Variants in KCNG3 observed in about 807,000 individuals in gnomAD.
KCNG3 encodes the protein potassium voltage-gated channel modifier subfamily G member 3.
Under a neutral mutation model 29.0 loss-of-function variants are expected in KCNG3, and 15 were observed. The ratio of observed to expected loss-of-function variants is 0.52; its 90% confidence interval spans 0.35 to 0.80. The LOEUF is 0.80. Among genes scored for constraint, KCNG3 ranks in the 30% least tolerant of loss-of-function variants. The pLI is 0.01. For synonymous variants in KCNG3, 322 were observed against 248.9 expected (o/e 1.29, Z -2.76); for missense variants, 512 against 605.7 (o/e 0.85, Z 1.62).
chr2:42,458,360 G>A (rs1236092505), intron 1 of KCNG3, among the ~76,000 whole-genome samples: 2 of 152,106 alleles, frequency 1.3e-5, no homozygotes, highest in Non-Finnish European at 2.9e-5. Context: ...TCTGGCCTCT[G>A]CCTCCTAAAC....
intron 1 of KCNG3, among the ~76,000 whole-genome samples, chr2:42,473,480 G>C (rs1013450874): frequency 1.8e-4 from 27 of 152,120 alleles, no homozygotes; most frequent in African/African-American, 6.5e-4. Context: ...CTCCTGAGTA[G>C]CTGGGACTAC....
At chr2:42,458,291 C>T (rs993307673) in intron 1 of KCNG3, among the ~76,000 whole-genome samples, 1 of 152,166 alleles carries the variant, frequency 6.6e-6, no homozygotes, top group Non-Finnish European at 1.5e-5. Context: ...CAATCACCTC[C>T]ACCTTTGCTT....
At chr2:42,459,664 G>A (rs1483619366) in intron 1 of KCNG3, among the ~76,000 whole-genome samples, 2 of 152,176 alleles carry the variant, frequency 1.3e-5, no homozygotes, top group Admixed American at 6.5e-5. Flanking sequence ...ACTAAAGATA[G>A]AACTTAAGCA....
chr2:42,406,245 G>C, the KCNG3 span, among the ~76,000 whole-genome samples: 1 of 151,038 alleles, frequency 6.6e-6, no homozygotes, highest in East Asian at 2.0e-4. Flanking sequence ...TTAAGATGGA[G>C]TTTCACTCTT....
At position 42,489,504 on chromosome 2, in the gene KCNG3, T is replaced by C. The variant is rs181893127; in HGVS notation, c.665+3333A>G. ...CAACTTAGGAGCCAGGATATGTTTA[T>C]ATGAAAATATAACCATCACGCTAAG... On this transcript the variant is annotated intron_variant, in intron 1 of 1. Transcript: ENST00000306078. Among the ~76,000 whole-genome samples the C allele has an allele frequency of 1.5e-4, 23 of 152,362 alleles. No homozygotes were observed. In the East Asian group the frequency reaches 4.1e-3, roughly 27 times the overall value.
chr2:42,398,256 TAAATAAATA>T, the KCNG3 span, among the ~76,000 whole-genome samples: 3 of 106,212 alleles, frequency 2.8e-5, no homozygotes, highest in Non-Finnish European at 6.0e-5. Context: ...AATAAATAAA[TAAATAAATA>T]AAATAAAATA....
chr2:42,417,628 T>C, the KCNG3 span, among the ~76,000 whole-genome samples: 5 of 152,142 alleles, frequency 3.3e-5, no homozygotes, highest in African/African-American at 1.2e-4. Context: ...GTTTACAGAA[T>C]AGTATAGAAA....
chr2:42,424,281 C>CA, the KCNG3 span, among the ~76,000 whole-genome samples: 1 of 151,896 alleles, frequency 6.6e-6, no homozygotes, highest in East Asian at 1.9e-4. Context: ...AGCCTGAACA[C>CA]AAAAAAATGA....
rs952583166 is a variant in KCNG3 at position 42,442,365 on chromosome 2, G to A, written c.*1569C>T. 2.0e-5 allele frequency: 3 copies of A among 152,204 alleles called. No homozygotes were observed. Among genetic ancestry groups the A allele is most frequent in the Non-Finnish European group, 4.4e-5 (3 of 68,042 alleles). 9.4% of individuals were successfully genotyped at this position (152,204 alleles called of 1,614,324 possible). A position where few individuals can be genotyped will look rare whatever the true frequency, so the allele number is the denominator to read the frequency against. ...TTTTCCAGGCTTTTCTCAGAACCCA[G>A]AGATGTGTGAAGATTAACCTGCTGG... is the stretch of plus-strand genomic sequence containing the variant. On this transcript the variant is annotated 3_prime_UTR_variant, in exon 2 of 2. Coordinates refer to ENST00000306078, the MANE Select transcript of KCNG3 (RefSeq NM_133329.6).
chr2:42,398,260 T>TAAATAAAATA, the KCNG3 span, among the ~76,000 whole-genome samples: 22 of 124,090 alleles, frequency 1.8e-4, no homozygotes, highest in Non-Finnish European at 3.0e-4. Flanking sequence ...AATAAATAAA[T>TAAATAAAATA]AAATAAAATA....
intron 1 of KCNG3, among the ~76,000 whole-genome samples, chr2:42,481,100 T>C (rs1471175447): frequency 2.0e-5 from 3 of 152,120 alleles, no homozygotes; most frequent in South Asian, 2.1e-4. Context: ...TCTTACTTAG[T>C]TCAGGGGCTA....
intron 1 of KCNG3, among the ~76,000 whole-genome samples, chr2:42,488,002 G>A (rs1673771782): frequency 6.6e-6 from 1 of 152,050 alleles, no homozygotes; most frequent in Non-Finnish European, 1.5e-5. Flanking sequence ...CTGTATTTCT[G>A]GCTTTTGTAA....
chr2:42,479,974 C>T (rs1399997840), intron 1 of KCNG3, among the ~76,000 whole-genome samples: 2 of 152,146 alleles, frequency 1.3e-5, no homozygotes, highest in African/African-American at 2.4e-5. Flanking sequence ...ATTGCATGCA[C>T]CATTGCACTC....
rs1672500964 is a variant in KCNG3, at chr2:42,442,175, G to C, written c.*1759C>G. The C allele has an allele frequency of 6.6e-6, 1 of 152,032 alleles. No individual in the cohort carries two copies. The highest frequency in any genetic ancestry group is 1.5e-5 in the Non-Finnish European group (1 of 68,008). The allele number at this position is 152,032 out of a possible 1,614,324, so 9.4% of individuals were successfully genotyped here. ...TACAATAAATATACAATAAATAACTGAATTTCTTTTGGGTATGTAAGAAGT... is the reference window on the plus strand; with the variant it reads ...TACAATAAATATACAATAAATAACTCAATTTCTTTTGGGTATGTAAGAAGT... On this transcript the variant is annotated 3_prime_UTR_variant, in exon 2 of 2. Transcript: ENST00000306078.
intron 1 of KCNG3, among the ~76,000 whole-genome samples, chr2:42,465,994 A>G (rs189722159): frequency 2.6e-5 from 4 of 152,364 alleles, no homozygotes; most frequent in African/African-American, 4.8e-5. Context: ...GAAACCGTAT[A>G]CAGTCATACA....
At chr2:42,460,575 T>C (rs1251078142) in intron 1 of KCNG3, among the ~76,000 whole-genome samples, 1 of 152,208 alleles carries the variant, frequency 6.6e-6, no homozygotes, top group East Asian at 1.9e-4. Context: ...TTTCTTCATC[T>C]GGGAGACCAC....
At chr2:42,402,157 C>T in the KCNG3 span, among the ~76,000 whole-genome samples, 4 of 152,196 alleles carry the variant, frequency 2.6e-5, no homozygotes, top group African/African-American at 9.7e-5. Context: ...TTTGCTGTCT[C>T]TCTGTGAGCT....
chr2:42,472,903 A>ATTTT (rs1553330072), intron 1 of KCNG3, among the ~76,000 whole-genome samples: 1 of 131,550 alleles, frequency 7.6e-6, no homozygotes, highest in African/African-American at 2.9e-5. Context: ...ATATATATAT[A>ATTTT]TTTTTTTTTT....
the KCNG3 span, among the ~76,000 whole-genome samples, chr2:42,421,405 G>A: frequency 7.7e-4 from 117 of 152,274 alleles, 1 homozygote; most frequent in East Asian, 0.015. Flanking sequence ...AGAAAGGAAC[G>A]TTTAAACTAA....
Sources: allele counts gnomAD v4.1 joint callset (sites outside exome capture counted in the v4.1 genomes callset), GRCh38; gene constraint gnomAD v4.1.1; transcripts MANE v1.5; gene names NCBI Gene and HGNC (gene_info 2026-07-23, HGNC 2026-07-21).